Variants in TBC1D1 observed in about 807,000 individuals in gnomAD.
The protein encoded by TBC1D1 is TBC1 (tre-2/USP6, BUB2, cdc16) domain family, member 1.
TBC1D1 carries 89 observed loss-of-function variants against 125.6 expected under a neutral mutation model. That is an observed-to-expected ratio of 0.71 (90% confidence interval 0.60 to 0.85). The LOEUF is 0.85. Ranked by LOEUF, TBC1D1 falls within the 40% of genes least tolerant of loss-of-function variation. TBC1D1 has a pLI of 0.00. For missense variants in TBC1D1, 1,377 were observed against 1,469.2 expected (o/e 0.94, Z 1.03); for synonymous variants, 565 against 564.1 (o/e 1.00, Z -0.02).
In TBC1D1 at chr4:37,917,718, A is replaced by T. The variant is rs557470055; in HGVS notation, c.417+15206A>T. On this transcript the variant is annotated intron_variant, in intron 2 of 19. Transcript: ENST00000261439. ...CCATGAGAAGGGATTTTGATCCAAT[A>T]TTTAAAATCTTCCGAATGACAGAAT... Among the ~76,000 whole-genome samples the T allele has an allele frequency of 3.9e-5, 6 of 152,306 alleles. No homozygotes were observed. The South Asian group carries it at 1.2e-3, about 32-fold the overall frequency.
intron 15 of TBC1D1, among the ~76,000 whole-genome samples, chr4:38,104,666 T>G (rs1239301394): frequency 1.3e-5 from 2 of 152,200 alleles, no homozygotes; most frequent in African/African-American, 4.8e-5. Context: ...GGATGCAGTG[T>G]GAGCCGCATC....
chr4:38,131,711 G>C (rs1765616479), intron 18 of TBC1D1, among the ~76,000 whole-genome samples: 1 of 152,144 alleles, frequency 6.6e-6, no homozygotes. Flanking sequence ...AAGCCTCTGA[G>C]CCAGTTACCT....
chr4:38,093,381 C>G (rs1758752027), intron 13 of TBC1D1, among the ~76,000 whole-genome samples: 1 of 152,160 alleles, frequency 6.6e-6, no homozygotes, highest in South Asian at 2.1e-4. Context: ...GTCTACCTCA[C>G]TCCATTGTAG....
intron 8 of TBC1D1, among the ~76,000 whole-genome samples, chr4:38,038,430 A>C (rs955762312): frequency 1.3e-5 from 2 of 152,180 alleles, no homozygotes; most frequent in Admixed American, 6.5e-5. Context: ...TTTATCTATT[A>C]GTCCACCTTA....
At chr4:38,098,059 G>A (rs1369953460) in intron 14 of TBC1D1, among the ~76,000 whole-genome samples, 1 of 152,242 alleles carries the variant, frequency 6.6e-6, no homozygotes, top group African/African-American at 2.4e-5. Context: ...CACGTATGCA[G>A]TGGTGAAGAC....
At position 38,020,647 on chromosome 4, in the gene TBC1D1, C is replaced by T. The variant is rs187837863; in HGVS notation, c.1029C>T (p.Gly343=). 1.7e-4 allele frequency: 270 copies of T among 1,612,890 alleles called. 1 individual carries two copies. The East Asian group carries it at 3.6e-3, about 21-fold the overall frequency. Residue 343 remains glycine, a synonymous_variant, in exon 5 of 20, where the codon GGC becomes GGT. Coordinates refer to ENST00000261439, the MANE Select transcript of TBC1D1 (RefSeq NM_015173.4). ...TCTGTCGGGAGTCTTCCGGAGGTGGCGGCTTTCATTTTGTCTGTTACGTGT... is the reference window on the plus strand; with the variant it reads ...TCTGTCGGGAGTCTTCCGGAGGTGGTGGCTTTCATTTTGTCTGTTACGTGT...
chr4:38,026,188 TG>T (rs1283504758), intron 6 of TBC1D1, among the ~76,000 whole-genome samples: 2 of 152,264 alleles, frequency 1.3e-5, no homozygotes, highest in South Asian at 4.1e-4. Context: ...ATTATTTCTG[TG>T]GTGGCTTCAG....
At chr4:37,957,361 T>C (rs1211193599) in intron 2 of TBC1D1, among the ~76,000 whole-genome samples, 2 of 152,250 alleles carry the variant, frequency 1.3e-5, no homozygotes, top group African/African-American at 4.8e-5. Context: ...GGCTCATGCC[T>C]GTAATCCTAA....
chr4:37,925,880 A>G (rs1722006567), intron 2 of TBC1D1, among the ~76,000 whole-genome samples: 1 of 152,224 alleles, frequency 6.6e-6, no homozygotes, highest in Non-Finnish European at 1.5e-5. Context: ...GTAGTTTGGT[A>G]TCAATTTACT....
At chr4:38,110,722 T>G (rs1301843714) in intron 15 of TBC1D1, 1 of 985,346 alleles carries the variant, frequency 1.0e-6, no homozygotes, top group Non-Finnish European at 1.2e-6. Flanking sequence ...GACCTGCACT[T>G]CTCTGCTTTG....
At chr4:37,994,321 T>C (rs1737291077) in intron 2 of TBC1D1, among the ~76,000 whole-genome samples, 1 of 152,200 alleles carries the variant, frequency 6.6e-6, no homozygotes, top group Non-Finnish European at 1.5e-5. Flanking sequence ...GACGAGGTCT[T>C]GCTCTGTCAC....
intron 18 of TBC1D1, among the ~76,000 whole-genome samples, chr4:38,129,362 T>C (rs1164040675): frequency 6.6e-6 from 1 of 152,202 alleles, no homozygotes; most frequent in African/African-American, 2.4e-5. Context: ...CGAGGACAAC[T>C]GGTGCCATAC....
At chr4:37,909,885 ACTGT>A (rs1718190182) in intron 2 of TBC1D1, among the ~76,000 whole-genome samples, 1 of 152,144 alleles carries the variant, frequency 6.6e-6, no homozygotes. Context: ...TCAGCACTTG[ACTGT>A]CTGTCACACT....
chr4:37,979,583 T>A (rs62298543), intron 2 of TBC1D1, among the ~76,000 whole-genome samples: 4 of 152,234 alleles, frequency 2.6e-5, no homozygotes, highest in African/African-American at 7.2e-5. Context: ...TATATTTGAC[T>A]TCAGAATGCC....
chr4:37,982,799 C>G (rs1234798726), intron 2 of TBC1D1, among the ~76,000 whole-genome samples: 4 of 152,250 alleles, frequency 2.6e-5, no homozygotes, highest in Non-Finnish European at 5.9e-5. Flanking sequence ...TCTTCTGTTT[C>G]TATCAAAACT....
intron 2 of TBC1D1, chr4:38,006,864 C>T (rs537507354): frequency 2.2e-5 from 11 of 508,462 alleles, no homozygotes; most frequent in East Asian, 1.1e-4. Context: ...CATCTTTGCT[C>T]ATCCTTAAAA....
chr4:37,916,480 A>G (rs1363866646), intron 2 of TBC1D1, among the ~76,000 whole-genome samples: 1 of 152,064 alleles, frequency 6.6e-6, no homozygotes, highest in Non-Finnish European at 1.5e-5. Flanking sequence ...TTCATGACTG[A>G]AGCAGAGCTG....
chr4:38,026,080 T>A (rs1450045365), intron 6 of TBC1D1, among the ~76,000 whole-genome samples: 2 of 148,456 alleles, frequency 1.3e-5, no homozygotes, highest in Non-Finnish European at 1.5e-5. Context: ...TGAGATTACT[T>A]AAAAAAAAAA....
intron 18 of TBC1D1, 33 bp downstream of exon 20, chr4:38,125,164 A>G (rs1764439673): frequency 1.9e-6 from 3 of 1,604,484 alleles, no homozygotes; most frequent in Non-Finnish European, 8.5e-7. Context: ...CAAATGCTTA[A>G]GCCATCCTAG....
Sources: gnomAD v4.1 joint callset for allele counts (sites outside exome capture counted in the v4.1 genomes callset) on GRCh38, gnomAD v4.1.1 for gene constraint, MANE v1.5 for transcripts, NCBI Gene and HGNC (gene_info 2026-07-23, HGNC 2026-07-21) for gene names.